ISCA1: variants seen among roughly 807,000 people sequenced by gnomAD.
ISCA1 encodes the protein iron-sulfur cluster assembly 1 homolog, mitochondrial.
A neutral mutation model predicts 14.7 loss-of-function variants in ISCA1; 9 were observed. The ratio of observed to expected loss-of-function variants is 0.61; its 90% CI spans 0.37 to 1.07. The LOEUF (loss-of-function observed/expected upper bound fraction) is 1.07, where lower values mean the gene tolerates loss of function less well. Ranked by LOEUF, ISCA1 falls within the 50% of genes least tolerant of loss-of-function variation. ISCA1 has a pLI of 0.01. For synonymous variants in ISCA1, 38 were observed against 54.3 expected (o/e 0.70, Z 1.32); for missense variants, 102 against 150.1 (o/e 0.68, Z 1.67).
intron 2 of ISCA1, among the ~76,000 whole-genome samples, chr9:86,272,742 C>T (rs755055676): frequency 1.3e-5 from 2 of 152,182 alleles, no homozygotes; most frequent in African/African-American, 4.8e-5. Context: ...ACTCAAGTCC[C>T]TTATGCAAAT....
chr9:86,270,989 G>A (rs1470739705), intron 3 of ISCA1, among the ~76,000 whole-genome samples: 1 of 148,588 alleles, frequency 6.7e-6, no homozygotes, highest in Non-Finnish European at 1.5e-5. Flanking sequence ...TATACCTAAT[G>A]CTAAATGATG....
In ISCA1 at chr9:86,266,177, T is replaced by C; in HGVS notation, c.256A>G (p.Ile86Val). Residue 86 changes from isoleucine to valine, a missense_variant, in exon 4 of 4, where the codon ATC (isoleucine) becomes GTC (valine). Physicochemically the swap from Ile to Val is conservative, Grantham distance 29 (BLOSUM62 3). Transcript: ENST00000375991. ...AGTGTTAGCTGTGCTTTCTTTTCGA[T>C]GAATACTCTGACTCCTTGGAGAAAA... ...EVIQDGVRVF[I>V]EKKAQLTLLG... 1.9e-6 allele frequency: 3 copies of C among 1,607,708 alleles called. No homozygotes were observed. Among genetic ancestry groups the C allele is most frequent in the Non-Finnish European group, 2.5e-6 (3 of 1,177,814 alleles).
chr9:86,264,850 A>G lies in ISCA1; in HGVS notation c.*1193T>C, dbSNP rs937327064. ...AAATCAGTAACTAAGTGACAAAAGG[A>G]ACACTTTTAAAGAAAAGTTGGTGAT... is the stretch of plus-strand genomic sequence containing the variant. On this transcript the variant is annotated 3_prime_UTR_variant, in exon 4 of 4. Coordinates refer to ENST00000375991, the MANE Select transcript of ISCA1 (RefSeq NM_030940.4). 6.6e-6 allele frequency: 1 copy of G among 152,216 alleles called. No homozygotes were observed. The highest frequency in any genetic ancestry group is 2.4e-5 in the African/African-American group (1 of 41,468). The allele number at this position is 152,216 out of a possible 1,614,324, so 9.4% of individuals were successfully genotyped here. A position where few individuals can be genotyped will look rare whatever the true frequency, so the allele number is the denominator to read the frequency against.
chr9:86,274,301 ATCAGTC>A lies in ISCA1; in HGVS notation c.82-65_82-60del. On this transcript the variant is annotated intron_variant, in intron 1 of 3. Transcript: ENST00000375991. ...ACTTGTTATTCAAAGCCTCATATTT[ATCAGTC>A]TTCGTAAGTCTGTCTTTAGCAAATT... 1.1e-5 allele frequency: 13 copies of A among 1,143,938 alleles called. No individual in the cohort carries two copies. In the South Asian group the frequency reaches 1.7e-4, roughly 15 times the overall value. The allele number at this position is 1,143,938 out of a possible 1,614,324, so 70.9% of individuals were successfully genotyped here.
rs1825532296 is a variant in ISCA1, at chr9:86,282,361, G to A, written c.81+17C>T. The stretch of plus-strand genomic sequence containing the variant: ...CGAGCAATGTCACGGGCCCCGCCGC[G>A]CGCCGCGAGCACTCACCAGGGTGAG... On this transcript the variant is annotated intron_variant, in intron 1 of 3. Coordinates refer to ENST00000375991, the MANE Select transcript of ISCA1 (RefSeq NM_030940.4). 1.3e-6 allele frequency: 2 copies of A among 1,537,834 alleles called. No homozygotes were observed. Among genetic ancestry groups the A allele is most frequent in the Middle Eastern group, 4.1e-4 (2 of 4,836 alleles).
chr9:86,267,172 C>T lies in ISCA1; in HGVS notation c.242-981G>A, dbSNP rs541861874. The T allele has an allele frequency of 4.3e-3, 1,103 of 254,954 alleles. 2 individuals are homozygous for T. The highest frequency in any genetic ancestry group is 6.1e-3 in the Non-Finnish European group (992 of 161,932). The allele number at this position is 254,954 out of a possible 1,614,324, so 15.8% of individuals were successfully genotyped here. A position where few individuals can be genotyped will look rare whatever the true frequency, so the allele number is the denominator to read the frequency against. ...CCCGGGAGACAGAGGCTACAGTGAA[C>T]CATGATTGTGCCACTGCACTCCAGC... On this transcript the variant is annotated intron_variant, in intron 3 of 3. Transcript: ENST00000375991.
intron 2 of ISCA1, among the ~76,000 whole-genome samples, chr9:86,273,478 A>G (rs1260574690): frequency 2.0e-5 from 3 of 152,228 alleles, no homozygotes; most frequent in Non-Finnish European, 4.4e-5. Context: ...GGGACTGGTT[A>G]AAGAACTCAA....
intron 2 of ISCA1, among the ~76,000 whole-genome samples, chr9:86,273,179 A>C (rs1020029535): frequency 6.6e-6 from 1 of 152,230 alleles, no homozygotes; most frequent in Non-Finnish European, 1.5e-5. Context: ...TTACATTGTA[A>C]TGTAGTAGGT....
intron 2 of ISCA1, 26 bp from the exon 3 acceptor site, chr9:86,272,138 T>G (rs893163236): frequency 7.0e-7 from 1 of 1,430,082 alleles, no homozygotes; most frequent in African/African-American, 1.4e-5. Context: ...AAATATAAAC[T>G]TGGTTTTAAA....
rs370081146 is a variant in ISCA1, at chr9:86,272,981, G to A, written c.136-869C>T. On this transcript the variant is annotated intron_variant, in intron 2 of 3. Transcript: ENST00000375991. The stretch of plus-strand genomic sequence containing the variant: ...CCACGTATGCGGAACCCACAGATAC[G>A]GAGAGGTGACTGTATACAGCAAAAG... 9.9e-5 allele frequency among the ~76,000 whole-genome samples: 15 copies of A among 152,226 alleles called. 1 individual carries two copies. Among genetic ancestry groups the A allele is most frequent in the Admixed American group, 5.2e-4 (8 of 15,292 alleles).
chr9:86,268,555 C>T (rs953558042), intron 3 of ISCA1, among the ~76,000 whole-genome samples: 21 of 151,806 alleles, frequency 1.4e-4, no homozygotes, highest in Middle Eastern at 3.2e-3. Context: ...TATAGTACTA[C>T]GGAGGAACGT....
intron 1 of ISCA1, among the ~76,000 whole-genome samples, chr9:86,279,000 T>TA (rs1227030380): frequency 6.6e-6 from 1 of 152,242 alleles, no homozygotes; most frequent in Non-Finnish European, 1.5e-5. Flanking sequence ...CTTTCACTGT[T>TA]AGACTGCTAG....
intron 1 of ISCA1, 81 bp downstream of exon 1, chr9:86,282,297 C>A: frequency 1.4e-6 from 2 of 1,446,698 alleles, no homozygotes. Flanking sequence ...TGCGGCCCCA[C>A]TCCCGGCCGC....
intron 1 of ISCA1, among the ~76,000 whole-genome samples, chr9:86,281,017 A>T (rs1360412048): frequency 1.3e-5 from 2 of 152,158 alleles, no homozygotes; most frequent in African/African-American, 4.8e-5. Context: ...CAAAAAAGAA[A>T]AGGCAAAAAC....
At chr9:86,275,580 A>C (rs1354618887) in intron 1 of ISCA1, among the ~76,000 whole-genome samples, 2 of 152,260 alleles carry the variant, frequency 1.3e-5, no homozygotes, top group Non-Finnish European at 2.9e-5. Flanking sequence ...TAAACATTTT[A>C]AATAGAAAAC....
At chr9:86,280,323 T>C (rs1026877099) in intron 1 of ISCA1, among the ~76,000 whole-genome samples, 3 of 152,220 alleles carry the variant, frequency 2.0e-5, no homozygotes, top group South Asian at 4.1e-4. Flanking sequence ...CGGTGGCTCA[T>C]GCCTGTGATC....
intron 1 of ISCA1, 146 bp downstream of exon 1, chr9:86,282,232 G>A (rs1030529507): frequency 1.2e-6 from 1 of 831,144 alleles, no homozygotes; most frequent in Non-Finnish European, 1.8e-6. Context: ...CGAAGGAGGC[G>A]GCGAGGCTGT....
intron 1 of ISCA1, among the ~76,000 whole-genome samples, chr9:86,281,658 C>T (rs1825518497): frequency 6.6e-6 from 1 of 152,214 alleles, no homozygotes; most frequent in Admixed American, 6.5e-5. Flanking sequence ...ACACTGAGCT[C>T]AGTGAATTCT....
chr9:86,273,223 A>T (rs1256817036), intron 2 of ISCA1, among the ~76,000 whole-genome samples: 1 of 152,236 alleles, frequency 6.6e-6, no homozygotes, highest in Non-Finnish European at 1.5e-5. Flanking sequence ...CCCACCGTCT[A>T]ATTATTAAAT....
Sources: allele counts gnomAD v4.1 joint callset (sites outside exome capture counted in the v4.1 genomes callset), GRCh38; gene constraint gnomAD v4.1.1; transcripts MANE v1.5; gene names NCBI Gene and HGNC (gene_info 2026-07-23, HGNC 2026-07-21).